PBX3: variants seen among roughly 807,000 people sequenced by gnomAD.
PBX3 encodes pre-B-cell leukemia transcription factor 3.
In PBX3, 14 loss-of-function variants were observed where a neutral mutation model predicts 48.5. That is an observed-to-expected ratio of 0.29 (90% confidence interval 0.19 to 0.45). The LOEUF (loss-of-function observed/expected upper bound fraction) is 0.45. Ranked by LOEUF, PBX3 falls within the 20% of genes least tolerant of loss-of-function variation. The pLI, the probability that PBX3 is intolerant of heterozygous loss-of-function variation, is 1.00. For synonymous variants in PBX3, 210 were observed against 200.3 expected, an observed-to-expected ratio of 1.05 and a Z score of -0.41; for missense variants, 386 against 546.7, an observed-to-expected ratio of 0.71 and a Z score of 2.93.
chr9:125,949,452 C>T, intron 5 of PBX3: 1 of 1,550,652 alleles, frequency 6.4e-7, no homozygotes. Context: ...TAAGTATTCA[C>T]AGGCTCCCTG....
chr9:125,901,410 A>G (rs1840942447), intron 2 of PBX3, among the ~76,000 whole-genome samples: 1 of 151,900 alleles, frequency 6.6e-6, no homozygotes, highest in Middle Eastern at 3.4e-3. Flanking sequence ...TTGAAAATAT[A>G]TAGCAGTTCT....
chr9:125,935,741 T>G lies in PBX3; in HGVS notation c.843+134T>G, dbSNP rs1841822099. ...AAGATATAAGGAAAATGTAGATATT[T>G]CCACAGTTTTAGGCAAGATTTTAAA... On this transcript the variant is annotated intron_variant, in intron 5 of 8. Coordinates refer to ENST00000373489, the MANE Select transcript of PBX3 (RefSeq NM_006195.6). 5.2e-6 allele frequency: 5 copies of G among 957,204 alleles called. No homozygotes were observed. The South Asian group carries it at 1.0e-4, about 19-fold the overall frequency. The allele number at this position is 957,204 out of a possible 1,614,324, so 59.3% of individuals were successfully genotyped here.
chr9:125,876,439 A>G (rs772105262), intron 2 of PBX3, among the ~76,000 whole-genome samples: 27 of 152,084 alleles, frequency 1.8e-4, no homozygotes, highest in Non-Finnish European at 1.8e-4. Flanking sequence ...CCTTCAGCCT[A>G]CTCAATGCGG....
In PBX3 at chr9:125,932,609, T is replaced by C. The variant is rs1019868393; in HGVS notation, c.707+2764T>C. Among the ~76,000 whole-genome samples the C allele has an allele frequency of 2.0e-5, 3 of 152,202 alleles. No individual in the cohort carries two copies. In the East Asian group the frequency reaches 5.8e-4, roughly 29 times the overall value. ...AGGTAGCATCAGACGACAAAAAACA[T>C]TTTAAAATTATTTGTCTAATTTGAG... On this transcript the variant is annotated intron_variant, in intron 4 of 8. Coordinates refer to ENST00000373489, the MANE Select transcript of PBX3 (RefSeq NM_006195.6).
At chr9:125,802,098 CT>C (rs1269916277) in intron 2 of PBX3, among the ~76,000 whole-genome samples, 1 of 151,974 alleles carries the variant, frequency 6.6e-6, no homozygotes, top group Non-Finnish European at 1.5e-5. Flanking sequence ...ATTTTTATTC[CT>C]AATTTTATAA....
At chr9:125,912,683 G>C (rs534747403) in intron 2 of PBX3, among the ~76,000 whole-genome samples, 1 of 152,120 alleles carries the variant, frequency 6.6e-6, no homozygotes, top group Non-Finnish European at 1.5e-5. Context: ...AAAGAACCTA[G>C]ATGTAAACCT....
intron 2 of PBX3, among the ~76,000 whole-genome samples, chr9:125,816,427 T>C (rs1437952046): frequency 6.6e-6 from 1 of 152,270 alleles, no homozygotes; most frequent in Non-Finnish European, 1.5e-5. Flanking sequence ...GCTTGCTTTT[T>C]AGTTGTCTTC....
chr9:125,966,291 G>A lies in PBX3; in HGVS notation c.*368G>A. ...ACACTAAACCTCAACCGTTAAAGCA[G>A]ATGCAAAAATTCACCTCACCTAAAT... On this transcript the variant is annotated 3_prime_UTR_variant, in exon 9 of 9. Transcript: ENST00000373489. 1 of 157,598 alleles carries A rather than the reference G, an allele frequency of 6.3e-6. No homozygotes were observed. 9.8% of individuals were successfully genotyped at this position (157,598 alleles called of 1,614,324 possible).
chr9:125,784,951 G>A (rs1837420730), intron 2 of PBX3, among the ~76,000 whole-genome samples: 2 of 152,166 alleles, frequency 1.3e-5, no homozygotes, highest in African/African-American at 4.8e-5. Context: ...TATATATGAT[G>A]CTTTTAAATG....
intron 2 of PBX3, among the ~76,000 whole-genome samples, chr9:125,780,333 A>T (rs1198456636): frequency 8.6e-6 from 1 of 115,906 alleles, no homozygotes; most frequent in Non-Finnish European, 1.8e-5. Context: ...GGCGCCCCTC[A>T]CCTCCCGGAC....
chr9:125,863,749 C>T (rs1412922979), intron 2 of PBX3, among the ~76,000 whole-genome samples: 7 of 152,146 alleles, frequency 4.6e-5, no homozygotes, highest in African/African-American at 1.7e-4. Context: ...CTTCATCACT[C>T]TTTTTTTCTA....
intron 2 of PBX3, among the ~76,000 whole-genome samples, chr9:125,854,029 C>T (rs888366598): frequency 6.6e-6 from 1 of 152,118 alleles, no homozygotes; most frequent in Non-Finnish European, 1.5e-5. Flanking sequence ...CGCAAATACA[C>T]ATACACATGC....
chr9:125,964,963 G>A (rs1396067619), intron 8 of PBX3, among the ~76,000 whole-genome samples: 1 of 152,182 alleles, frequency 6.6e-6, no homozygotes, highest in Non-Finnish European at 1.5e-5. Context: ...GCAGGCACGG[G>A]GAGCCTGCTC....
chr9:125,782,078 A>T (rs1460708726), intron 2 of PBX3, among the ~76,000 whole-genome samples: 1 of 152,168 alleles, frequency 6.6e-6, no homozygotes, highest in African/African-American at 2.4e-5. Flanking sequence ...CTGGTGTATT[A>T]GTTCATTTTC....
chr9:125,878,283 G>A (rs1231024086), intron 2 of PBX3, among the ~76,000 whole-genome samples: 2 of 152,206 alleles, frequency 1.3e-5, no homozygotes, highest in Admixed American at 6.5e-5. Context: ...GGGGGTAAGA[G>A]GAGTGTCTGA....
At chr9:125,963,202 C>A in intron 8 of PBX3, 101 bp downstream of exon 8, 1 of 588,546 alleles carries the variant, frequency 1.7e-6, no homozygotes. Context: ...ATCTTCTTGG[C>A]AGGTAGGGAA....
intron 2 of PBX3, among the ~76,000 whole-genome samples, chr9:125,825,922 A>G (rs2132173716): frequency 6.6e-6 from 1 of 152,274 alleles, no homozygotes; most frequent in Middle Eastern, 3.4e-3. Flanking sequence ...TTATTTGGGA[A>G]CTTGCCTAGA....
chr9:125,828,488 A>G (rs1007385053), intron 2 of PBX3, among the ~76,000 whole-genome samples: 2 of 152,306 alleles, frequency 1.3e-5, no homozygotes, highest in Admixed American at 6.5e-5. Flanking sequence ...TTCTAAGCCA[A>G]TTAGAACTGG....
intron 1 of PBX3, chr9:125,748,240 C>T (rs1426886874): frequency 3.8e-6 from 4 of 1,040,314 alleles, no homozygotes; most frequent in Non-Finnish European, 3.5e-6. Flanking sequence ...CGCACCCGTC[C>T]CCTCCCCCGG....
Sources: gnomAD v4.1 joint callset for allele counts (sites outside exome capture counted in the v4.1 genomes callset) on GRCh38, gnomAD v4.1.1 for gene constraint, MANE v1.5 for transcripts, NCBI Gene and HGNC (gene_info 2026-07-23, HGNC 2026-07-21) for gene names.